MACROD2: variants seen among roughly 807,000 people sequenced by gnomAD.
MACROD2 encodes ADP-ribose glycohydrolase MACROD2.
A neutral mutation model predicts 70.4 loss-of-function variants in MACROD2; 36 were observed. The observed-to-expected ratio is 0.51, with a 90% CI of 0.39 to 0.68. The LOEUF is 0.68. Among genes scored for constraint, MACROD2 ranks in the 30% least tolerant of loss-of-function variants. The probability of loss-of-function intolerance (pLI) is 0.00; values close to 1 mark genes in which losing one functional copy is unlikely to be tolerated. For missense variants in MACROD2, 496 were observed against 538.4 expected (o/e 0.92, Z 0.78); for synonymous variants, 172 against 178.8 (o/e 0.96, Z 0.30).
At chr20:15,901,528 T>G (rs1051831624) in intron 10 of MACROD2, among the ~76,000 whole-genome samples, 3 of 152,120 alleles carry the variant, frequency 2.0e-5, no homozygotes, top group Non-Finnish European at 4.4e-5. Context: ...TTGTCAGCAG[T>G]TTTTGGATAT....
intron 3 of MACROD2, among the ~76,000 whole-genome samples, chr20:14,125,247 G>C (rs73903715): frequency 2.0e-5 from 3 of 152,042 alleles, no homozygotes; most frequent in Admixed American, 2.0e-4. Flanking sequence ...ACAACATTTT[G>C]AATGTTCTAC....
At chr20:14,511,510 A>G (rs572219937) in intron 4 of MACROD2, among the ~76,000 whole-genome samples, 2 of 152,206 alleles carry the variant, frequency 1.3e-5, no homozygotes, top group South Asian at 4.1e-4. Context: ...ATCTTTTTGG[A>G]TATTTTACTC....
intron 8 of MACROD2, among the ~76,000 whole-genome samples, chr20:15,577,071 A>G (rs560637880): frequency 2.2e-4 from 33 of 152,260 alleles, no homozygotes; most frequent in African/African-American, 7.7e-4. Context: ...TTAGTCTTTT[A>G]TTTAGTATGT....
chr20:14,706,436 T>C (rs979286507), intron 5 of MACROD2, among the ~76,000 whole-genome samples: 3 of 152,218 alleles, frequency 2.0e-5, no homozygotes, highest in African/African-American at 7.2e-5. Context: ...CTTCACACTC[T>C]GTGAGATGAG....
chr20:14,503,605 A>C (rs1568643113), intron 4 of MACROD2, among the ~76,000 whole-genome samples: 1 of 152,194 alleles, frequency 6.6e-6, no homozygotes, highest in African/African-American at 2.4e-5. Flanking sequence ...ACAAGAAGTG[A>C]TGTCTGAGGA....
intron 8 of MACROD2, among the ~76,000 whole-genome samples, chr20:15,527,294 T>C (rs973493552): frequency 1.3e-5 from 2 of 152,216 alleles, no homozygotes; most frequent in Non-Finnish European, 2.9e-5. Context: ...ACAATAATAT[T>C]ACTAAAGTTT....
At chr20:15,294,535 A>T (rs756356684) in intron 6 of MACROD2, among the ~76,000 whole-genome samples, 1 of 152,174 alleles carries the variant, frequency 6.6e-6, no homozygotes, top group Non-Finnish European at 1.5e-5. Flanking sequence ...TGGTGCTCAG[A>T]TCTCCTCCTC....
intron 3 of MACROD2, among the ~76,000 whole-genome samples, chr20:14,490,957 A>G (rs368247702): frequency 5.9e-5 from 9 of 152,306 alleles, no homozygotes; most frequent in African/African-American, 2.2e-4. Flanking sequence ...TATTAGATGC[A>G]GGCCAAACCA....
At chr20:14,599,018 G>A (rs1256787636) in intron 4 of MACROD2, among the ~76,000 whole-genome samples, 1 of 152,100 alleles carries the variant, frequency 6.6e-6, no homozygotes, top group African/African-American at 2.4e-5. Flanking sequence ...ACATTTTGGT[G>A]AGAAGAATAT....
At chr20:15,295,952 C>T (rs1447219149) in intron 6 of MACROD2, among the ~76,000 whole-genome samples, 1 of 152,206 alleles carries the variant, frequency 6.6e-6, no homozygotes, top group African/African-American at 2.4e-5. Flanking sequence ...ATCAATACTG[C>T]ATGTAGCCCT....
At chr20:15,202,361 C>T (rs2076663723) in intron 5 of MACROD2, among the ~76,000 whole-genome samples, 1 of 152,068 alleles carries the variant, frequency 6.6e-6, no homozygotes, top group Non-Finnish European at 1.5e-5. Flanking sequence ...AGGTAGACGT[C>T]CTTAAATTTA....
chr20:15,236,671 G>A (rs565784187), intron 6 of MACROD2, among the ~76,000 whole-genome samples: 1 of 152,230 alleles, frequency 6.6e-6, no homozygotes, highest in East Asian at 1.9e-4. Context: ...CAAAACCAAG[G>A]TGATGCATAT....
At chr20:15,244,636 G>A (rs925109142) in intron 6 of MACROD2, among the ~76,000 whole-genome samples, 1 of 152,170 alleles carries the variant, frequency 6.6e-6, no homozygotes, top group Non-Finnish European at 1.5e-5. Context: ...TGGCCAAAAG[G>A]CATAGTATTC....
chr20:15,640,499 A>G (rs2049443617), intron 8 of MACROD2, among the ~76,000 whole-genome samples: 1 of 152,218 alleles, frequency 6.6e-6, no homozygotes, highest in East Asian at 1.9e-4. Context: ...TCCCACTGCC[A>G]TAGCAAATCC....
intron 4 of MACROD2, among the ~76,000 whole-genome samples, chr20:14,589,234 A>T (rs1373409504): frequency 6.6e-6 from 1 of 152,120 alleles, no homozygotes; most frequent in Non-Finnish European, 1.5e-5. Context: ...TCAATTTTTT[A>T]TACACTTGAA....
chr20:16,042,244 G>A (rs2067317142), intron 16 of MACROD2, among the ~76,000 whole-genome samples: 1 of 152,018 alleles, frequency 6.6e-6, no homozygotes, highest in African/African-American at 2.4e-5. Flanking sequence ...TCATGGGCAT[G>A]CATTGCCTGT....
At chr20:15,940,598 TC>T (rs1282137332) in intron 12 of MACROD2, among the ~76,000 whole-genome samples, 1 of 152,204 alleles carries the variant, frequency 6.6e-6, no homozygotes, top group Non-Finnish European at 1.5e-5. Flanking sequence ...GTAGTGGCTA[TC>T]AACATTGAGG....
chr20:15,071,298 C>A (rs1415456182), intron 5 of MACROD2, among the ~76,000 whole-genome samples: 1 of 152,148 alleles, frequency 6.6e-6, no homozygotes, highest in Non-Finnish European at 1.5e-5. Flanking sequence ...GAGGAGTTTT[C>A]AAAAAGCAGA....
chr20:14,274,660 G>A (rs975540881), intron 3 of MACROD2, among the ~76,000 whole-genome samples: 1 of 152,110 alleles, frequency 6.6e-6, no homozygotes, highest in Non-Finnish European at 1.5e-5. Flanking sequence ...AATCAGGCAG[G>A]AGAAGGAAAT....
Sources: allele counts gnomAD v4.1 joint callset (sites outside exome capture counted in the v4.1 genomes callset), GRCh38; gene constraint gnomAD v4.1.1; transcripts MANE v1.5; gene names NCBI Gene and HGNC (gene_info 2026-07-23, HGNC 2026-07-21).